The following ARID1A variants were observed in gnomAD, a reference collection of about 807,000 sequenced individuals.
ARID1A encodes the protein AT-rich interaction domain 1A, also known as AT-rich interactive domain-containing protein 1A.
In ARID1A, 20 loss-of-function variants were observed where a neutral mutation model predicts 212.6. The observed-to-expected ratio is 0.09, with a 90% CI of 0.07 to 0.14. ARID1A has a LOEUF of 0.14. ARID1A is among the 10% of genes least tolerant of loss of function. The pLI is 1.00. For missense variants in ARID1A, 2,587 were observed against 3,059.0 expected (o/e 0.85, Z 3.64); for synonymous variants, 1,376 against 1,222.1 (o/e 1.13, Z -2.63).
At chr1:26,741,159 T>G (rs1445040093) in intron 4 of ARID1A, among the ~76,000 whole-genome samples, 1 of 152,100 alleles carries the variant, frequency 6.6e-6, no homozygotes, top group African/African-American at 2.4e-5. Flanking sequence ...CAGATGGAGC[T>G]CTGGACGATG....
At chr1:26,766,708 C>G (rs996821557) in intron 10 of ARID1A, 142 bp downstream of exon 10, 6 of 875,916 alleles carry the variant, frequency 6.8e-6, no homozygotes, top group Non-Finnish European at 1.0e-5. Flanking sequence ...CTGTTGCCTC[C>G]TCTTATCATG....
rs2081100773 is a variant in ARID1A, at chr1:26,773,324, CCGCTTGCCTTTCTA to C, written c.3716-17_3716-4del. The stretch of plus-strand genomic sequence containing the variant: ...GCTTGTCAACTTACCAGTTTGTTCA[CCGCTTGCCTTTCTA>C]CGCTCAGCTCCAGGGAGTGATCCCT... On this transcript the variant is annotated splice_region_variant and splice_polypyrimidine_tract_variant and intron_variant, in intron 14 of 19. Coordinates refer to ENST00000324856, the MANE Select transcript of ARID1A (RefSeq NM_006015.6). 1 of 1,549,158 alleles carries C rather than the reference CCGCTTGCCTTTCTA, an allele frequency of 6.5e-7. No individual in the cohort carries two copies.
At position 26,697,012 on chromosome 1, in the gene ARID1A, C is replaced by G. The variant is rs558792709; in HGVS notation, c.609C>G (p.His203Gln). 4 of 1,532,772 alleles carry G rather than the reference C, an allele frequency of 2.6e-6. No individual in the cohort carries two copies. Among genetic ancestry groups the G allele is most frequent in the Non-Finnish European group, 3.5e-6 (4 of 1,143,544 alleles). 94.9% of individuals were successfully genotyped at this position (1,532,772 alleles called of 1,614,324 possible). A position where few individuals can be genotyped will look rare whatever the true frequency, so the allele number is the denominator to read the frequency against. ...EPYAGPQQNSHDHGFPNHQYN... is the reference protein window; with the variant it reads ...EPYAGPQQNSQDHGFPNHQYN... ...ACGCGGGGCCCCAGCAGAACTCTCACGACCACGGCTTCCCCAACCACCAGT... is the reference window on the plus strand; with the variant it reads ...ACGCGGGGCCCCAGCAGAACTCTCAGGACCACGGCTTCCCCAACCACCAGT... Residue 203 changes from histidine to glutamine, a missense_variant, in exon 1 of 20, where the codon CAC becomes CAG. By Grantham distance (24) the His-to-Gln change is conservative. This residue lies in a region of ARID1A where 735 missense variants were observed against 590.6 expected (regional missense o/e 1.24). Transcript: ENST00000324856.
rs2081174333 is a variant in ARID1A at position 26,779,829 on chromosome 1, T to C, written c.5931T>C (p.Leu1977=). The part of the protein sequence containing the change: ...LCTLLDWQDS[L]AKRCVCVSNT... ...CCCTTCTGGACTGGCAGGATTCTCT[T>C]GCCAAGCGCTGCGTCTGTGTGTCCA... Residue 1977 remains leucine (L), a synonymous_variant, in exon 20 of 20, where the codon CTT becomes CTC. Coordinates refer to ENST00000324856, the MANE Select transcript of ARID1A (RefSeq NM_006015.6). The C allele has an allele frequency of 6.2e-7, 1 of 1,614,122 alleles. No homozygotes were observed. Among genetic ancestry groups the C allele is most frequent in the Non-Finnish European group, 8.5e-7 (1 of 1,180,034 alleles).
At chr1:26,757,033 T>C (rs2080946176) in intron 4 of ARID1A, among the ~76,000 whole-genome samples, 2 of 152,250 alleles carry the variant, frequency 1.3e-5, no homozygotes, top group East Asian at 1.9e-4. Context: ...CATGAGAATG[T>C]TTATGTTTTA....
chr1:26,739,421 A>G (rs2080766438), intron 4 of ARID1A, among the ~76,000 whole-genome samples: 1 of 152,192 alleles, frequency 6.6e-6, no homozygotes. Flanking sequence ...TTGCATTTCT[A>G]ACAAGCTCTG....
intron 4 of ARID1A, among the ~76,000 whole-genome samples, chr1:26,736,964 G>C (rs1222836616): frequency 6.7e-6 from 1 of 149,440 alleles, no homozygotes; most frequent in African/African-American, 2.5e-5. Context: ...ATAAAGAACA[G>C]TTCAGTACCT....
rs986176223 is a variant in ARID1A, at chr1:26,767,808, A to G, written c.3007A>G (p.Thr1003Ala). Residue 1003 changes from threonine (T) to alanine (A), a missense_variant, in exon 11 of 20, where the codon ACA becomes GCA. Coordinates refer to ENST00000324856, the MANE Select transcript of ARID1A (RefSeq NM_006015.6). ...CTTCCAGAAATCCAGTTCTTCTACTACAACCAATGAGAAGATCACCAAGTT... is the reference window on the plus strand; with the variant it reads ...CTTCCAGAAATCCAGTTCTTCTACTGCAACCAATGAGAAGATCACCAAGTT... ...SKSKKSSSST[T>A]TNEKITKLYE... The G allele has an allele frequency of 6.2e-7, 1 of 1,613,610 alleles. No homozygotes were observed.
In ARID1A at chr1:26,760,916, G is replaced by T. The variant is rs1237083347; in HGVS notation, c.1981G>T (p.Val661Leu). Reference sequence around the variant, plus strand: ...GACAGAAGGAGCTCTGAGTCCTGGAGTGAGCACATCAGGGATTTCCAGCAG... The same window carrying T: ...GACAGAAGGAGCTCTGAGTCCTGGATTGAGCACATCAGGGATTTCCAGCAG... ...MGTEGALSPG[V>L]STSGISSSQG... is the part of the protein sequence containing the mutation. Residue 661 changes from valine to leucine, a missense_variant, in exon 5 of 20, where the codon GTG (valine) becomes TTG (leucine). Val to Leu is a conservative substitution (Grantham distance 32). Transcript: ENST00000324856. The T allele has an allele frequency of 1.9e-6, 3 of 1,614,092 alleles. No individual in the cohort carries two copies. The highest frequency in any genetic ancestry group is 2.5e-6 in the Non-Finnish European group (3 of 1,180,006).
Position 26,774,440 on chromosome 1 carries a change from T to C in ARID1A, c.4213T>C (p.Leu1405=), listed in dbSNP as rs2124117794. ...GCAGGGGCAGCCTCAGCAGCAGCAG[T>C]TGCCCCCAGCCCAGCCCCAGCCTGC... ...TGQGQPQQQQ[L]PPAQPQPASQ... is the part of the protein sequence containing the mutation. The change falls in exon 18 of 20, where the codon TTG becomes CTG. Residue 1405 remains leucine, a synonymous_variant. Coordinates refer to ENST00000324856, the MANE Select transcript of ARID1A (RefSeq NM_006015.6). This position sits in a 1 kb window ranked among gnomAD's most constrained non-coding sequence, Gnocchi z 5.6. 6.2e-7 allele frequency: 1 copy of C among 1,613,482 alleles called. No homozygotes were observed. Among genetic ancestry groups the C allele is most frequent in the South Asian group, 1.1e-5 (1 of 90,996 alleles).
intron 8 of ARID1A, chr1:26,765,990 T>A (rs1557610932): frequency 2.0e-6 from 1 of 510,648 alleles, no homozygotes; most frequent in East Asian, 3.3e-5. Flanking sequence ...TGCAGTAAGC[T>A]ATGATCACAC....
Position 26,761,002 on chromosome 1 carries a change from G to T in ARID1A, c.2067G>T (p.Leu689=), listed in dbSNP as rs150235028. The T allele has an allele frequency of 8.1e-6, 13 of 1,613,866 alleles. No individual in the cohort carries two copies. The highest frequency in any genetic ancestry group is 1.1e-5 in the Non-Finnish European group (13 of 1,180,018). The change falls in exon 5 of 20, where the codon CTG becomes CTT. Residue 689 remains leucine (L), a synonymous_variant. Transcript: ENST00000324856. ...TCTCTCCTCATACCTCCCCTCACCT[G>T]CCTGGCATCCGAGGCCCTTCCCCGT... ...SPFSPHTSPH[L]PGIRGPSPSP...
intron 8 of ARID1A, chr1:26,765,161 C>G (rs950992527): frequency 6.6e-6 from 1 of 151,600 alleles, no homozygotes; most frequent in African/African-American, 2.4e-5. Flanking sequence ...TGCCATTGCA[C>G]TCCAGCCTGG....
chr1:26,777,762 T>C (rs1157643081), intron 19 of ARID1A, among the ~76,000 whole-genome samples: 1 of 151,654 alleles, frequency 6.6e-6, no homozygotes, highest in Non-Finnish European at 1.5e-5. Flanking sequence ...TGAAACTCCA[T>C]CTCTACTAAA....
intron 4 of ARID1A, among the ~76,000 whole-genome samples, chr1:26,755,627 CA>C (rs1342480480): frequency 2.0e-5 from 3 of 152,290 alleles, no homozygotes; most frequent in African/African-American, 7.2e-5. Flanking sequence ...TCAGGTGGAC[CA>C]GGGGCATTCT....
intron 1 of ARID1A, among the ~76,000 whole-genome samples, chr1:26,714,396 TTTTTTG>T (rs2080481961): frequency 1.3e-5 from 2 of 151,624 alleles, no homozygotes; most frequent in Admixed American, 1.3e-4. Context: ...ATCTATAATC[TTTTTTG>T]TTTGTTTGTT....
rs758788841 is a variant in ARID1A, at chr1:26,729,633, A to G, written c.1138-18A>G. ...GGCCATCAAAGCTCAGGTTAATGAA[A>G]TGCTCTTTATTTTGTAGCCATCCAG... On this transcript the variant is annotated intron_variant, in intron 1 of 19. Transcript: ENST00000324856. 1 of 1,613,024 alleles carries G rather than the reference A, an allele frequency of 6.2e-7. No individual in the cohort carries two copies. The highest frequency in any genetic ancestry group is 1.1e-5 in the South Asian group (1 of 91,068).
intron 1 of ARID1A, among the ~76,000 whole-genome samples, chr1:26,703,940 G>A (rs1296953398): frequency 6.6e-6 from 1 of 152,238 alleles, no homozygotes; most frequent in Non-Finnish European, 1.5e-5. Flanking sequence ...TGAGCTGAAG[G>A]AATTAGAGGA....
rs2124118466 is a variant in ARID1A at position 26,774,540 on chromosome 1, C to G, written c.4313C>G (p.Thr1438Ser). The G allele has an allele frequency of 6.2e-7, 1 of 1,614,194 alleles. No individual in the cohort carries two copies. Among genetic ancestry groups the G allele is most frequent in the Non-Finnish European group, 8.5e-7 (1 of 1,180,024 alleles). Residue 1438 changes from threonine (T) to serine (S), a missense_variant, in exon 18 of 20, where the codon ACT becomes AGT. By Grantham distance (58) the Thr-to-Ser change is moderately conservative (BLOSUM62 1). This residue lies in a region of ARID1A where 890 missense variants were observed against 1,098.2 expected (regional missense o/e 0.81). Coordinates refer to ENST00000324856, the MANE Select transcript of ARID1A (RefSeq NM_006015.6). The surrounding 1 kb of genome is among the most constrained non-coding windows in gnomAD (Gnocchi z 5.6). ...CAGTATGGCAATGCCTATCCTGCCA[C>G]TGCCACAGCTGCTACTGAGCGCCGA... ...YNQYGNAYPATATAATERRPA... is the reference protein window; with the variant it reads ...YNQYGNAYPASATAATERRPA...
Sources: allele counts gnomAD v4.1 joint callset (sites outside exome capture counted in the v4.1 genomes callset), GRCh38; gene constraint gnomAD v4.1.1; regional missense constraint gnomAD v4.1.1; non-coding constraint Gnocchi (gnomAD v3.1); transcripts MANE v1.5; gene names NCBI Gene and HGNC (gene_info 2026-07-23, HGNC 2026-07-21).